TRIO: variants seen among roughly 807,000 people sequenced by gnomAD.
TRIO encodes triple functional domain protein.
Under a neutral mutation model 351.9 loss-of-function variants are expected in TRIO, and 58 were observed. The observed-to-expected ratio is 0.16, with a 90% CI of 0.13 to 0.21. The LOEUF is 0.21. TRIO is among the 10% of genes least tolerant of loss of function. TRIO has a pLI of 1.00. For missense variants in TRIO, 3,201 were observed against 4,027.8 expected (o/e 0.79, Z 5.56); for synonymous variants, 1,758 against 1,595.7 (o/e 1.10, Z -2.42).
At chr5:14,354,141 G>A (rs1319957959) in intron 11 of TRIO, among the ~76,000 whole-genome samples, 1 of 152,204 alleles carries the variant, frequency 6.6e-6, no homozygotes, top group African/African-American at 2.4e-5. Context: ...GGTGCTGGGG[G>A]CCTGACCCCT....
At chr5:14,429,980 A>T (rs897869513) in intron 34 of TRIO, among the ~76,000 whole-genome samples, 1 of 151,804 alleles carries the variant, frequency 6.6e-6, no homozygotes, top group Admixed American at 6.6e-5. Context: ...TTAGTGATTA[A>T]CTCGTGCACT....
chr5:14,469,690 C>T (rs1036908757), intron 37 of TRIO, among the ~76,000 whole-genome samples: 1 of 152,230 alleles, frequency 6.6e-6, no homozygotes, highest in Non-Finnish European at 1.5e-5. Flanking sequence ...ACAACTGCAC[C>T]GCTTCAGGGT....
chr5:14,351,577 T>C (rs781062528), intron 11 of TRIO, among the ~76,000 whole-genome samples: 1 of 152,242 alleles, frequency 6.6e-6, no homozygotes, highest in Non-Finnish European at 1.5e-5. Context: ...TTATAGAAGT[T>C]GAATACTTCA....
intron 34 of TRIO, among the ~76,000 whole-genome samples, chr5:14,431,720 C>G (rs1025804790): frequency 3.9e-5 from 6 of 152,148 alleles, no homozygotes; most frequent in South Asian, 2.1e-4. Flanking sequence ...GCTGCCATAG[C>G]AAAATCCCAG....
intron 48 of TRIO, among the ~76,000 whole-genome samples, chr5:14,489,641 T>C (rs540216090): frequency 4.6e-5 from 7 of 152,312 alleles, no homozygotes; most frequent in African/African-American, 1.7e-4. Flanking sequence ...AGAGGAGATT[T>C]CAGAGTCTGT....
chr5:14,202,417 A>T (rs1791193267), intron 1 of TRIO, among the ~76,000 whole-genome samples: 1 of 147,290 alleles, frequency 6.8e-6, no homozygotes, highest in Non-Finnish European at 1.5e-5. Flanking sequence ...GGGAAGCCAA[A>T]AGATTGGACA....
At chr5:14,349,266 T>C (rs1742800869) in intron 11 of TRIO, among the ~76,000 whole-genome samples, 1 of 144,076 alleles carries the variant, frequency 6.9e-6, no homozygotes. Flanking sequence ...CATGTGTTTT[T>C]CCTGTGTGTA....
At chr5:14,275,653 ATCT>A (rs1055482358) in intron 2 of TRIO, among the ~76,000 whole-genome samples, 2 of 150,252 alleles carry the variant, frequency 1.3e-5, no homozygotes, top group Non-Finnish European at 1.5e-5. Context: ...TTCTGTTTTC[ATCT>A]TCTTCTCCCC....
chr5:14,334,139 G>C (rs1220310009), intron 10 of TRIO, among the ~76,000 whole-genome samples: 1 of 152,242 alleles, frequency 6.6e-6, no homozygotes, highest in Non-Finnish European at 1.5e-5. Context: ...TGGGAAATCA[G>C]GTAGTATCCA....
chr5:14,362,438 G>A (rs1744231308), intron 13 of TRIO, among the ~76,000 whole-genome samples: 1 of 152,130 alleles, frequency 6.6e-6, no homozygotes, highest in South Asian at 2.1e-4. Flanking sequence ...TGTGAGGTTG[G>A]CTCTTGTGTT....
At chr5:14,306,437 T>C (rs942122631) in intron 8 of TRIO, among the ~76,000 whole-genome samples, 1 of 152,258 alleles carries the variant, frequency 6.6e-6, no homozygotes, top group African/African-American at 2.4e-5. Flanking sequence ...CTAAAAACCA[T>C]CAAGTTCTTT....
intron 9 of TRIO, among the ~76,000 whole-genome samples, chr5:14,321,282 G>A (rs148643677): frequency 1.3e-5 from 2 of 152,366 alleles, no homozygotes; most frequent in Admixed American, 6.5e-5. Context: ...AGCGGCAAGT[G>A]CCTAGTGTGG....
chr5:14,354,063 G>A (rs1242332850), intron 11 of TRIO, among the ~76,000 whole-genome samples: 1 of 152,228 alleles, frequency 6.6e-6, no homozygotes, highest in East Asian at 1.9e-4. Flanking sequence ...ACAGGCTGCT[G>A]ATCTCCCAGT....
At chr5:14,177,215 C>G (rs149805367) in intron 1 of TRIO, among the ~76,000 whole-genome samples, 4 of 152,102 alleles carry the variant, frequency 2.6e-5, no homozygotes, top group Admixed American at 2.0e-4. Context: ...ATGTTATATA[C>G]GTGAGAAAAC....
intron 34 of TRIO, among the ~76,000 whole-genome samples, chr5:14,438,381 G>T (rs1022583769): frequency 2.6e-5 from 4 of 152,214 alleles, no homozygotes; most frequent in African/African-American, 9.6e-5. Flanking sequence ...ATCAAATGAG[G>T]TTTAAGACTC....
intron 10 of TRIO, among the ~76,000 whole-genome samples, chr5:14,332,035 C>T (rs1214417034): frequency 1.3e-5 from 2 of 152,038 alleles, no homozygotes; most frequent in Non-Finnish European, 1.5e-5. Flanking sequence ...CCAGTAAAGC[C>T]CAGAAAACTC....
rs1335697062 is a variant in TRIO, at chr5:14,492,491, G to A, written c.7633-76G>A. On this transcript the variant is annotated intron_variant, in intron 48 of 56. Coordinates refer to ENST00000344204, the MANE Select transcript of TRIO (RefSeq NM_007118.4). Reference sequence around the variant, plus strand: ...GGGTCATGGTGCCATGGGGCACACTGACAAGGGATTTCATGTGATCAGGTC... The same window carrying A: ...GGGTCATGGTGCCATGGGGCACACTAACAAGGGATTTCATGTGATCAGGTC... 2.5e-6 allele frequency: 4 copies of A among 1,571,156 alleles called. No homozygotes were observed. In the East Asian group the frequency reaches 6.7e-5, roughly 26 times the overall value.
chr5:14,406,579 A>G lies in TRIO; in HGVS notation c.4866A>G (p.Gly1622=). 1 of 1,614,020 alleles carries G rather than the reference A, an allele frequency of 6.2e-7. No individual in the cohort carries two copies. Among genetic ancestry groups the G allele is most frequent in the Non-Finnish European group, 8.5e-7 (1 of 1,179,952 alleles). ...AGTTTCTTTGCACCGCCAGGGATGGAGAGGATCTGGACAGCCAAGGAGACG... is the reference window on the plus strand; with the variant it reads ...AGTTTCTTTGCACCGCCAGGGATGGGGAGGATCTGGACAGCCAAGGAGACG... ...PATRQKGRRD[G]EDLDSQGDGS... is the part of the protein sequence containing the mutation. The change falls in exon 33 of 57, where the codon GGA becomes GGG. Residue 1622 remains glycine, a synonymous_variant. Transcript: ENST00000344204.
intron 10 of TRIO, among the ~76,000 whole-genome samples, chr5:14,335,383 C>T (rs1158639289): frequency 1.3e-5 from 2 of 152,106 alleles, no homozygotes; most frequent in Admixed American, 1.3e-4. Flanking sequence ...AAGGGAAACC[C>T]AAAGCTGACT....
Sources: gnomAD v4.1 joint callset for allele counts (sites outside exome capture counted in the v4.1 genomes callset) on GRCh38, gnomAD v4.1.1 for gene constraint, MANE v1.5 for transcripts, NCBI Gene and HGNC (gene_info 2026-07-23, HGNC 2026-07-21) for gene names.